Variants in MEIS2 observed in about 807,000 individuals in gnomAD.
MEIS2 encodes the protein homeobox protein Meis2.
A neutral mutation model predicts 58.6 loss-of-function variants in MEIS2; 9 were observed. The ratio of observed to expected loss-of-function variants is 0.15; its 90% CI spans 0.09 to 0.27. The LOEUF (loss-of-function observed/expected upper bound fraction) is 0.27, where lower values mean the gene tolerates loss of function less well. MEIS2 is among the 10% of genes least tolerant of loss of function. The pLI is 1.00. For missense variants in MEIS2, 427 were observed against 635.0 expected (o/e 0.67, Z 3.52); for synonymous variants, 221 against 228.4 (o/e 0.97, Z 0.29).
At chr15:36,965,315 A>G (rs772004419) in intron 8 of MEIS2, among the ~76,000 whole-genome samples, 1 of 152,244 alleles carries the variant, frequency 6.6e-6, no homozygotes, top group Non-Finnish European at 1.5e-5. Flanking sequence ...AGGTCAACTT[A>G]CAGATAAAAT....
At chr15:36,987,400 CCT>C (rs1347755367) in intron 8 of MEIS2, among the ~76,000 whole-genome samples, 1 of 98,980 alleles carries the variant, frequency 1.0e-5, no homozygotes, top group East Asian at 3.2e-4. Flanking sequence ...GGAGCAAGAC[CCT>C]GTCTCAAAAA....
intron 7 of MEIS2, among the ~76,000 whole-genome samples, chr15:37,079,858 T>G (rs1443690890): frequency 1.3e-5 from 2 of 152,184 alleles, no homozygotes; most frequent in South Asian, 4.2e-4. Context: ...TCTAGAATGC[T>G]AATGTATTTA....
intron 8 of MEIS2, among the ~76,000 whole-genome samples, chr15:37,017,591 A>G (rs1433815312): frequency 6.6e-6 from 1 of 152,220 alleles, no homozygotes; most frequent in Non-Finnish European, 1.5e-5. Flanking sequence ...CAACAGAGCA[A>G]GAACCGGCCT....
rs190093467 is a variant in MEIS2 at position 37,093,844 on chromosome 15, A to G, written c.490-114T>C. 112 of 1,343,738 alleles carry G rather than the reference A, an allele frequency of 8.3e-5. 1 individual carries two copies. The African/African-American group carries it at 1.6e-3, about 19-fold the overall frequency. The allele number at this position is 1,343,738 out of a possible 1,614,324, so 83.2% of individuals were successfully genotyped here. On this transcript the variant is annotated intron_variant, in intron 5 of 11. Coordinates refer to ENST00000561208, the MANE Select transcript of MEIS2 (RefSeq NM_170675.5). ...CAAGGTTACATTTGCAAAGAGCAAC[A>G]GTGTGATGTCTTCCAAACTAACTCT...
chr15:36,990,632 G>A (rs1420862342), intron 8 of MEIS2, among the ~76,000 whole-genome samples: 1 of 59,570 alleles, frequency 1.7e-5, no homozygotes, highest in African/African-American at 4.8e-5. Flanking sequence ...GTATAGTTTA[G>A]TGGGCTTTCT....
chr15:37,010,233 A>AGG (rs2061089818), intron 8 of MEIS2, among the ~76,000 whole-genome samples: 1 of 151,486 alleles, frequency 6.6e-6, no homozygotes, highest in Non-Finnish European at 1.5e-5. Flanking sequence ...GACTACAGGC[A>AGG]CCCACCACCA....
chr15:37,000,635 G>A (rs3901057), intron 8 of MEIS2, among the ~76,000 whole-genome samples: 84,495 of 151,874 alleles, frequency 0.56, 24,298 homozygotes, highest in East Asian at 0.87. Context: ...ATTCTTCCAC[G>A]TTGCCAAGGC....
chr15:37,056,875 C>G (rs1427084165), intron 7 of MEIS2, among the ~76,000 whole-genome samples: 1 of 152,190 alleles, frequency 6.6e-6, no homozygotes. Context: ...ATAAAGAGGC[C>G]GAGCTAGGTT....
chr15:36,962,311 T>C (rs1326412212), intron 8 of MEIS2, among the ~76,000 whole-genome samples: 1 of 152,210 alleles, frequency 6.6e-6, no homozygotes, highest in East Asian at 1.9e-4. Flanking sequence ...CCATAGAGTA[T>C]GATGCTTTTT....
At chr15:36,970,345 AG>A (rs1346636253) in intron 8 of MEIS2, among the ~76,000 whole-genome samples, 2 of 151,520 alleles carry the variant, frequency 1.3e-5, no homozygotes, top group Non-Finnish European at 2.9e-5. Context: ...CGGAGCTTGC[AG>A]TGAGCCGAGA....
intron 9 of MEIS2, among the ~76,000 whole-genome samples, chr15:36,904,287 G>T (rs550106271): frequency 6.6e-6 from 1 of 152,142 alleles, no homozygotes; most frequent in South Asian, 2.1e-4. Flanking sequence ...CATCTCCTTT[G>T]ACGCTCACCT....
At chr15:37,083,630 T>C (rs1892521498) in intron 7 of MEIS2, 141 bp downstream of exon 7, 2 of 562,610 alleles carry the variant, frequency 3.6e-6, no homozygotes, top group Non-Finnish European at 6.1e-6. Flanking sequence ...GAGGAAATAC[T>C]GTCTCTTTAA....
intron 8 of MEIS2, among the ~76,000 whole-genome samples, chr15:36,965,833 A>G (rs1280027273): frequency 6.6e-6 from 1 of 152,200 alleles, no homozygotes; most frequent in Non-Finnish European, 1.5e-5. Context: ...AAAAGCTTTG[A>G]CAAGTCCAAG....
chr15:36,991,845 T>A lies in MEIS2; in HGVS notation c.901-41445A>T, dbSNP rs945607877. Among the ~76,000 whole-genome samples, 3 of 115,902 alleles carry A rather than the reference T, an allele frequency of 2.6e-5. No individual in the cohort carries two copies. The South Asian group carries it at 1.0e-3, about 40-fold the overall frequency. 76.0% of individuals were successfully genotyped at this position (115,902 alleles called of 152,430 possible). ...CTCTGTCGCCCAGGCTGGAGTGCAG[T>A]GGCGGGATCTCGGCTCACTGCAAGC... On this transcript the variant is annotated intron_variant, in intron 8 of 11. Coordinates refer to ENST00000561208, the MANE Select transcript of MEIS2 (RefSeq NM_170675.5).
At chr15:37,045,301 T>A (rs959161295) in intron 7 of MEIS2, among the ~76,000 whole-genome samples, 8 of 152,198 alleles carry the variant, frequency 5.3e-5, no homozygotes, top group African/African-American at 1.9e-4. Context: ...TATGGACTAA[T>A]TTTCCGTCAT....
intron 8 of MEIS2, among the ~76,000 whole-genome samples, chr15:37,017,500 A>G (rs1388546206): frequency 6.6e-6 from 1 of 152,098 alleles, no homozygotes; most frequent in East Asian, 1.9e-4. Flanking sequence ...AGTCCCAGCT[A>G]CTTGGAAGGC....
At chr15:37,098,415 A>G (rs910282191) in intron 1 of MEIS2, 2 of 1,218,310 alleles carry the variant, frequency 1.6e-6, no homozygotes, top group East Asian at 6.3e-5. Context: ...AGAGAGAGAG[A>G]GAGAGAGAGA....
chr15:36,948,977 T>A (rs955803491), intron 9 of MEIS2, among the ~76,000 whole-genome samples: 3 of 151,998 alleles, frequency 2.0e-5, no homozygotes, highest in African/African-American at 7.2e-5. Flanking sequence ...TCTTTTCAGG[T>A]TAGCAGTTTA....
At chr15:36,899,817 T>C (rs1326204206) in intron 9 of MEIS2, among the ~76,000 whole-genome samples, 1 of 152,176 alleles carries the variant, frequency 6.6e-6, no homozygotes, top group East Asian at 1.9e-4. Context: ...TAAGTGTAAA[T>C]GAATCAGACA....
Sources: allele counts gnomAD v4.1 joint callset (sites outside exome capture counted in the v4.1 genomes callset), GRCh38; gene constraint gnomAD v4.1.1; transcripts MANE v1.5; gene names NCBI Gene and HGNC (gene_info 2026-07-23, HGNC 2026-07-21).